Variants in REPS1 observed in about 807,000 individuals in gnomAD.
The protein encoded by REPS1 is ralBP1-associated Eps domain-containing protein 1.
A neutral mutation model predicts 100.9 loss-of-function variants in REPS1; 39 were observed. The ratio of observed to expected loss-of-function variants is 0.39; its 90% CI spans 0.30 to 0.50. The LOEUF (loss-of-function observed/expected upper bound fraction) is 0.50, where lower values mean the gene tolerates loss of function less well. Among genes scored for constraint, REPS1 ranks in the 20% least tolerant of loss-of-function variants. The probability of loss-of-function intolerance (pLI) is 0.86; values close to 1 mark genes in which losing one functional copy is unlikely to be tolerated. For synonymous variants in REPS1, 324 were observed against 340.3 expected (o/e 0.95, Z 0.53); for missense variants, 821 against 968.5 (o/e 0.85, Z 2.02).
intron 12 of REPS1, 68 bp from the exon 13 acceptor site, chr6:138,917,695 C>T (rs1210348195): frequency 7.9e-7 from 1 of 1,266,934 alleles, no homozygotes. Flanking sequence ...CTACTCCAAA[C>T]AAATATAAGT....
intron 8 of REPS1, among the ~76,000 whole-genome samples, chr6:138,939,505 A>T (rs1255246790): frequency 6.6e-6 from 1 of 152,244 alleles, no homozygotes; most frequent in Non-Finnish European, 1.5e-5. Flanking sequence ...GGAAAAATTA[A>T]ATATATGCAA....
Position 138,964,962 on chromosome 6 carries a change from C to G in REPS1, c.154-17049G>C, listed in dbSNP as rs74607705. Among the ~76,000 whole-genome samples, 9 of 152,168 alleles carry G rather than the reference C, an allele frequency of 5.9e-5. No individual in the cohort carries two copies. In the East Asian group the frequency reaches 1.7e-3, roughly 29 times the overall value. ...ATAAAGAATGGGTTCAGTCAAACAACCAATGTAAGGGGACTGAAGCAGCTT... is the reference window on the plus strand; with the variant it reads ...ATAAAGAATGGGTTCAGTCAAACAAGCAATGTAAGGGGACTGAAGCAGCTT... On this transcript the variant is annotated intron_variant, in intron 1 of 19. Coordinates refer to ENST00000450536, the MANE Select transcript of REPS1 (RefSeq NM_001286611.2).
chr6:138,921,048 C>A lies in REPS1; in HGVS notation c.1415G>T (p.Arg472Ile), dbSNP rs1780721138. The change falls in exon 11 of 20, where the codon AGA becomes ATA. Residue 472 changes from arginine to isoleucine, a missense_variant. Physicochemically the swap from Arg to Ile is moderately conservative, Grantham distance 97. This residue lies in a region of REPS1 where 757 missense variants were observed against 866.4 expected (regional missense o/e 0.87). Coordinates refer to ENST00000450536, the MANE Select transcript of REPS1 (RefSeq NM_001286611.2). ...KIHMQEMELKRTGSDHTNPTS... is the reference protein window; with the variant it reads ...KIHMQEMELKITGSDHTNPTS... The stretch of plus-strand genomic sequence containing the variant: ...AACAGCTTCCTTACCGCTGCCAGTT[C>A]TTTTAAGTTCCATTTCCTGCATGTG... 7 of 1,611,898 alleles carry A rather than the reference C, an allele frequency of 4.3e-6. No individual in the cohort carries two copies. The Admixed American group carries it at 6.7e-5, about 15-fold the overall frequency.
chr6:138,912,074 T>C (rs1780048638), intron 16 of REPS1, among the ~76,000 whole-genome samples: 1 of 152,060 alleles, frequency 6.6e-6, no homozygotes, highest in Non-Finnish European at 1.5e-5. Flanking sequence ...GGCAGAAAGT[T>C]GTAGGTTTTA....
At chr6:138,915,102 A>C (rs78778470) in intron 14 of REPS1, 36 of 236,304 alleles carry the variant, frequency 1.5e-4, no homozygotes, top group African/African-American at 7.0e-4. Context: ...CCTTTCACTT[A>C]ACACTTCACT....
At chr6:138,954,840 T>C (rs2128486723) in intron 1 of REPS1, among the ~76,000 whole-genome samples, 1 of 152,328 alleles carries the variant, frequency 6.6e-6, no homozygotes, top group East Asian at 1.9e-4. Flanking sequence ...TCCTTTCATA[T>C]ACTCTAATTT....
At chr6:138,978,181 A>G (rs1375437798) in intron 1 of REPS1, among the ~76,000 whole-genome samples, 21 of 152,122 alleles carry the variant, frequency 1.4e-4, no homozygotes, top group African/African-American at 4.6e-4. Context: ...TAATATGCAA[A>G]TATTTCTCCC....
At chr6:138,938,071 A>G (rs1376249350) in intron 8 of REPS1, among the ~76,000 whole-genome samples, 7 of 152,124 alleles carry the variant, frequency 4.6e-5, no homozygotes, top group African/African-American at 1.7e-4. Flanking sequence ...AGCTTCAGAA[A>G]GCTCTTTCTG....
At chr6:138,945,730 T>TA (rs1383734005) in intron 2 of REPS1, 33 bp from the exon 3 acceptor site, 20 of 1,468,630 alleles carry the variant, frequency 1.4e-5, no homozygotes, top group Non-Finnish European at 1.6e-5. Flanking sequence ...TACTTCAAAA[T>TA]AAAAAAGGAC....
intron 1 of REPS1, among the ~76,000 whole-genome samples, chr6:138,961,440 T>C (rs138266791): frequency 0.024 from 3,714 of 152,190 alleles, 63 homozygotes; most frequent in Middle Eastern, 0.051. Flanking sequence ...GGATCCAGGA[T>C]GGTCTCGATC....
chr6:138,977,873 A>AG (rs1347555491), intron 1 of REPS1, among the ~76,000 whole-genome samples: 4 of 152,332 alleles, frequency 2.6e-5, no homozygotes, highest in Non-Finnish European at 5.9e-5. Flanking sequence ...GAAGTGCCTA[A>AG]GGGTTCCAGT....
intron 8 of REPS1, among the ~76,000 whole-genome samples, chr6:138,930,647 C>A (rs532990329): frequency 6.6e-6 from 1 of 151,974 alleles, no homozygotes; most frequent in East Asian, 1.9e-4. Context: ...CTTCAGTATT[C>A]CCTTGGAATA....
chr6:138,912,063 C>T (rs1330543640), intron 16 of REPS1, among the ~76,000 whole-genome samples: 2 of 152,072 alleles, frequency 1.3e-5, no homozygotes, highest in East Asian at 1.9e-4. Flanking sequence ...CTAATGGGCA[C>T]GGCAGAAAGT....
At chr6:138,941,746 C>T (rs1021826716) in intron 7 of REPS1, among the ~76,000 whole-genome samples, 8 of 152,032 alleles carry the variant, frequency 5.3e-5, no homozygotes, top group Admixed American at 3.9e-4. Flanking sequence ...AAAGCAGCCC[C>T]AATAATTAAG....
intron 1 of REPS1, among the ~76,000 whole-genome samples, chr6:138,956,720 C>T (rs1783415936): frequency 1.3e-5 from 2 of 151,972 alleles, no homozygotes; most frequent in African/African-American, 4.8e-5. Context: ...TTTTCTATTG[C>T]CTCATCCTTA....
rs1029298402 is a variant in REPS1, at chr6:138,945,739, A to G, written c.278-42T>C. Reference sequence around the variant, plus strand: ...AATCATTACTTCAAAATAAAAAAGGACATATATATTGAAAACTAAAATAAG... The same window carrying G: ...AATCATTACTTCAAAATAAAAAAGGGCATATATATTGAAAACTAAAATAAG... On this transcript the variant is annotated intron_variant, in intron 2 of 19. Coordinates refer to ENST00000450536, the MANE Select transcript of REPS1 (RefSeq NM_001286611.2). 2.1e-6 allele frequency: 3 copies of G among 1,412,412 alleles called. No individual in the cohort carries two copies. The African/African-American group carries it at 4.4e-5, about 21-fold the overall frequency. The allele number at this position is 1,412,412 out of a possible 1,614,324, so 87.5% of individuals were successfully genotyped here.
At chr6:138,963,844 C>T (rs545580523) in intron 1 of REPS1, among the ~76,000 whole-genome samples, 1 of 152,312 alleles carries the variant, frequency 6.6e-6, no homozygotes, top group Non-Finnish European at 1.5e-5. Flanking sequence ...CATTTCAATA[C>T]TTAGCACAAT....
intron 12 of REPS1, among the ~76,000 whole-genome samples, chr6:138,918,988 C>T (rs927743726): frequency 6.6e-6 from 1 of 152,108 alleles, no homozygotes; most frequent in Non-Finnish European, 1.5e-5. Flanking sequence ...TCTTGTAAAT[C>T]ACAGAATCAT....
Position 138,944,514 on chromosome 6 carries a change from T to G in REPS1, c.737A>C (p.His246Pro). ...TPPTSTLLTM[H>P]PASVQDQTTV... is the part of the protein sequence containing the mutation. Reference sequence around the variant, plus strand: ...ATGTCACACCTGGACAGAAGCAGGATGCATGGTTAAAAGAGTACTGGTTGG... The same window carrying G: ...ATGTCACACCTGGACAGAAGCAGGAGGCATGGTTAAAAGAGTACTGGTTGG... The change falls in exon 5 of 20, where the codon CAT becomes CCT. Residue 246 changes from histidine (H) to proline (P), a missense_variant. Transcript: ENST00000450536. 1 of 1,613,986 alleles carries G rather than the reference T, an allele frequency of 6.2e-7. No individual in the cohort carries two copies. Among genetic ancestry groups the G allele is most frequent in the African/African-American group, 1.3e-5 (1 of 75,060 alleles).
Sources: gnomAD v4.1 joint callset for allele counts (sites outside exome capture counted in the v4.1 genomes callset) on GRCh38, gnomAD v4.1.1 for gene constraint, gnomAD v4.1.1 regional missense constraint, MANE v1.5 for transcripts, NCBI Gene and HGNC (gene_info 2026-07-23, HGNC 2026-07-21) for gene names.